The following TENM4 variants were observed in gnomAD, a reference collection of about 807,000 sequenced individuals.
The protein encoded by TENM4 is teneurin-4.
Under a neutral mutation model 243.3 loss-of-function variants are expected in TENM4, and 82 were observed. That is an observed-to-expected ratio of 0.34 (90% confidence interval 0.28 to 0.40). The LOEUF is 0.40. TENM4 is among the 10% of genes least tolerant of loss of function. The probability of loss-of-function intolerance (pLI) is 1.00; values close to 1 mark genes in which losing one functional copy is unlikely to be tolerated. For missense variants in TENM4, 3,138 were observed against 3,673.3 expected (o/e 0.85, Z 3.77); for synonymous variants, 1,412 against 1,456.3 (o/e 0.97, Z 0.69).
intron 25 of TENM4, among the ~76,000 whole-genome samples, chr11:78,719,502 G>C (rs1426358191): frequency 6.6e-6 from 1 of 152,172 alleles, no homozygotes; most frequent in East Asian, 1.9e-4. Context: ...GGGTCTGTCT[G>C]ACTCTTTCCA....
intron 2 of TENM4, among the ~76,000 whole-genome samples, chr11:79,259,479 GTCCATCCATCCATCTATCCATGCA>G (rs1855755397): frequency 6.6e-6 from 1 of 151,578 alleles, no homozygotes; most frequent in Non-Finnish European, 1.5e-5. Flanking sequence ...CCAGCCATCT[GTCCATCCATCCATCTATCCATGCA>G]TCCATCCATC....
chr11:79,354,439 A>C (rs1857464606), intron 1 of TENM4, among the ~76,000 whole-genome samples: 1 of 152,232 alleles, frequency 6.6e-6, no homozygotes, highest in African/African-American at 2.4e-5. Flanking sequence ...TTAACAAGGG[A>C]GAATGGATGT....
intron 3 of TENM4, among the ~76,000 whole-genome samples, chr11:79,160,888 G>A (rs1862731160): frequency 6.6e-6 from 1 of 152,172 alleles, no homozygotes; most frequent in South Asian, 2.1e-4. Flanking sequence ...CTTGCAGTGA[G>A]GCATGACTGT....
At chr11:78,899,961 T>G (rs1168767559) in intron 7 of TENM4, among the ~76,000 whole-genome samples, 1 of 152,208 alleles carries the variant, frequency 6.6e-6, no homozygotes, top group African/African-American at 2.4e-5. Flanking sequence ...CTAAATGGAC[T>G]GAGACAGAAG....
intron 16 of TENM4, among the ~76,000 whole-genome samples, chr11:78,781,422 G>A (rs887428375): frequency 2.6e-5 from 4 of 152,186 alleles, no homozygotes; most frequent in Middle Eastern, 3.4e-3. Context: ...GTGAAAAGCC[G>A]GAGATAATAA....
chr11:79,239,729 T>G lies in TENM4; in HGVS notation c.-264-23820A>C, dbSNP rs188434798. ...TCAGCACCTACTATTCCTGGGGCACTCTGCGGAGTGTTCTACATGTTTTGT... is the reference window on the plus strand; with the variant it reads ...TCAGCACCTACTATTCCTGGGGCACGCTGCGGAGTGTTCTACATGTTTTGT... On this transcript the variant is annotated intron_variant, in intron 2 of 33. Transcript: ENST00000278550. 9.6e-4 allele frequency among the ~76,000 whole-genome samples: 146 copies of G among 152,318 alleles called. 4 individuals carry two copies. The South Asian group carries it at 0.021, about 21-fold the overall frequency.
chr11:79,151,585 G>A (rs946979625), intron 3 of TENM4, among the ~76,000 whole-genome samples: 1 of 152,056 alleles, frequency 6.6e-6, no homozygotes, highest in African/African-American at 2.4e-5. Flanking sequence ...ACCTGGCCGG[G>A]GCGCTTTCCG....
At chr11:79,260,120 A>T (rs1046225239) in intron 2 of TENM4, among the ~76,000 whole-genome samples, 1 of 152,200 alleles carries the variant, frequency 6.6e-6, no homozygotes, top group African/African-American at 2.4e-5. Context: ...TCTGTTTCTC[A>T]TGTGAGAATA....
intron 1 of TENM4, among the ~76,000 whole-genome samples, chr11:79,371,476 A>G (rs115882377): frequency 1.3e-3 from 191 of 152,324 alleles, no homozygotes; most frequent in African/African-American, 4.5e-3. Context: ...AGATCCTAAC[A>G]AGCCCTGAAA....
intron 4 of TENM4, among the ~76,000 whole-genome samples, chr11:79,113,419 G>T (rs1351397779): frequency 7.0e-6 from 1 of 142,888 alleles, no homozygotes; most frequent in East Asian, 2.0e-4. Flanking sequence ...GTGTGTGTGT[G>T]TTGTGTGTGT....
intron 6 of TENM4, among the ~76,000 whole-genome samples, chr11:78,943,676 C>T (rs1040413067): frequency 6.6e-6 from 1 of 152,086 alleles, no homozygotes; most frequent in African/African-American, 2.4e-5. Flanking sequence ...ATACTGTAGA[C>T]AACCTGTTTG....
At chr11:78,804,257 C>A (rs545010) in intron 15 of TENM4, among the ~76,000 whole-genome samples, 105,559 of 152,110 alleles carry the variant, frequency 0.69, 37,969 homozygotes, top group Non-Finnish European at 0.8. Flanking sequence ...TTTATCAGTT[C>A]ACTTATCTCC....
At chr11:78,795,717 C>T (rs1348751855) in intron 15 of TENM4, among the ~76,000 whole-genome samples, 1 of 152,100 alleles carries the variant, frequency 6.6e-6, no homozygotes, top group South Asian at 2.1e-4. Flanking sequence ...AGCTTTTTCT[C>T]CCACAGACCA....
chr11:79,022,727 A>G (rs956858525), intron 6 of TENM4, among the ~76,000 whole-genome samples: 4 of 152,252 alleles, frequency 2.6e-5, no homozygotes, highest in Non-Finnish European at 5.9e-5. Context: ...TGATGAAGAC[A>G]ATGAAGAGAT....
At position 78,669,092 on chromosome 11, in the gene TENM4, C is replaced by T. The variant is rs201567760; in HGVS notation, c.7253G>A (p.Arg2418Gln). 8.9e-5 allele frequency: 143 copies of T among 1,613,806 alleles called. No individual in the cohort carries two copies. Among genetic ancestry groups the T allele is most frequent in the Admixed American group, 2.3e-4 (14 of 59,992 alleles). ...DPLTKLVHMG[R>Q]RDYDVLAGRW... ...TCCGGCCAGCACATCATAATCTCGC[C>T]GGCCCATGTGGACAAGCTTGGTGAG... is the stretch of plus-strand genomic sequence containing the variant. The change falls in exon 32 of 34, where the codon CGG becomes CAG. Residue 2418 changes from arginine (R) to glutamine (Q), a missense_variant. Around this residue, in one of 2 missense-constraint regions of TENM4, gnomAD observed 2,467 missense variants for 3,059.1 expected, o/e 0.81. Transcript: ENST00000278550. The surrounding 1 kb of genome is among the most constrained non-coding windows in gnomAD (Gnocchi z 6.4).
intron 3 of TENM4, among the ~76,000 whole-genome samples, chr11:79,163,798 C>CATATATATAT (rs59230413): frequency 2.8e-5 from 4 of 144,838 alleles, no homozygotes; most frequent in Admixed American, 7.1e-5. Flanking sequence ...TATACACACA[C>CATATATATAT]ATATATATAC....
chr11:78,891,141 C>A, intron 8 of TENM4, 97 bp downstream of exon 8: 1 of 1,132,524 alleles, frequency 8.8e-7, no homozygotes. Flanking sequence ...GGATCACCTC[C>A]CCCAGAAGAT....
intron 3 of TENM4, among the ~76,000 whole-genome samples, chr11:79,170,818 A>C (rs965490147): frequency 2.6e-5 from 4 of 152,190 alleles, no homozygotes; most frequent in African/African-American, 9.6e-5. Context: ...TATGGAACCT[A>C]GCAAACTAAT....
rs114301028 is a variant in TENM4, at chr11:79,077,226, C to T, written c.-65-7217G>A. 4.7e-3 allele frequency among the ~76,000 whole-genome samples: 722 copies of T among 152,264 alleles called. 5 individuals carry two copies. Among genetic ancestry groups the T allele is most frequent in the African/African-American group, 0.017 (691 of 41,556 alleles). ...GACAAGACAGATGTGCTTCTGACTC[C>T]TAGATGCTTCTATACACTGGGCAAG... is the stretch of plus-strand genomic sequence containing the variant. On this transcript the variant is annotated intron_variant, in intron 4 of 33. Transcript: ENST00000278550.
Sources: allele counts gnomAD v4.1 joint callset (sites outside exome capture counted in the v4.1 genomes callset), GRCh38; gene constraint gnomAD v4.1.1; regional missense constraint gnomAD v4.1.1; non-coding constraint Gnocchi (gnomAD v3.1); transcripts MANE v1.5; gene names NCBI Gene and HGNC (gene_info 2026-07-23, HGNC 2026-07-21).